The following ANKRD26 variants were observed in gnomAD, a reference collection of about 807,000 sequenced individuals.
ANKRD26 encodes ankyrin repeat domain-containing protein 26.
Under a neutral mutation model 208.7 loss-of-function variants are expected in ANKRD26, and 141 were observed. The ratio of observed to expected loss-of-function variants is 0.68; its 90% CI spans 0.59 to 0.78. The LOEUF (loss-of-function observed/expected upper bound fraction) is 0.78, where lower values mean the gene tolerates loss of function less well. ANKRD26 is among the 30% of genes least tolerant of loss of function. The pLI is 0.00. For missense variants in ANKRD26, 1,889 were observed against 1,938.7 expected (o/e 0.97, Z 0.48); for synonymous variants, 636 against 660.4 (o/e 0.96, Z 0.57).
At chr10:27,050,097 G>C (rs767824056) in intron 16 of ANKRD26, among the ~76,000 whole-genome samples, 14 of 151,516 alleles carry the variant, frequency 9.2e-5, no homozygotes, top group Non-Finnish European at 1.9e-4. Flanking sequence ...GTGGGCGCCT[G>C]TAATCCCAGC....
At chr10:27,077,188 G>A (rs2055729077) in intron 9 of ANKRD26, 150 bp downstream of exon 9, 1 of 677,910 alleles carries the variant, frequency 1.5e-6, no homozygotes, top group Admixed American at 2.6e-5. Flanking sequence ...ATGCAGGGAT[G>A]GTTCAACATA....
downstream of ANKRD26, among the ~76,000 whole-genome samples, chr10:26,991,396 C>A (rs1490218574): frequency 6.6e-6 from 1 of 151,912 alleles, no homozygotes; most frequent in Non-Finnish European, 1.5e-5. Context: ...ATTTTGAGGG[C>A]TTCAATATTT....
chr10:27,006,536 G>A (rs1387584927), intron 33 of ANKRD26, among the ~76,000 whole-genome samples: 1 of 152,184 alleles, frequency 6.6e-6, no homozygotes, highest in Non-Finnish European at 1.5e-5. Context: ...TGAGTCTGGG[G>A]TCTTTGGGCC....
chr10:27,085,311 G>T (rs1243745540), intron 5 of ANKRD26, among the ~76,000 whole-genome samples: 2 of 152,026 alleles, frequency 1.3e-5, no homozygotes, highest in South Asian at 2.1e-4. Context: ...ATGTTGGCCA[G>T]GCTGGTCTCG....
At chr10:27,021,208 A>T (rs966094032) in intron 29 of ANKRD26, among the ~76,000 whole-genome samples, 1 of 152,176 alleles carries the variant, frequency 6.6e-6, no homozygotes, top group Non-Finnish European at 1.5e-5. Context: ...ATTTAGGTTG[A>T]TTCCACATCT....
At chr10:26,989,824 T>A (rs766598861), downstream of ANKRD26, among the ~76,000 whole-genome samples, 2 of 151,846 alleles carry the variant, frequency 1.3e-5, no homozygotes, top group Non-Finnish European at 2.9e-5. Flanking sequence ...GATGGTAGCC[T>A]GGAGCATGCA....
the ANKRD26 span, among the ~76,000 whole-genome samples, chr10:26,958,498 G>A: frequency 1.1e-4 from 17 of 152,162 alleles, no homozygotes; most frequent in South Asian, 3.5e-3. Context: ...GTGTGCCCAT[G>A]TGTTCCCCCT....
chr10:27,033,097 G>C, intron 25 of ANKRD26, 128 bp downstream of exon 25: 1 of 520,618 alleles, frequency 1.9e-6, no homozygotes, highest in Non-Finnish European at 2.8e-6. Flanking sequence ...AAAAAAAAAA[G>C]ATAATAAAAT....
In ANKRD26 at chr10:27,005,095, A is replaced by T. The variant is rs2052824958; in HGVS notation, c.*495T>A. 1.0e-5 allele frequency: 10 copies of T among 984,238 alleles called. No homozygotes were observed. The highest frequency in any genetic ancestry group is 1.2e-5 in the Non-Finnish European group (10 of 828,844). 61.0% of individuals were successfully genotyped at this position (984,238 alleles called of 1,614,324 possible). On this transcript the variant is annotated 3_prime_UTR_variant, in exon 34 of 34. Transcript: ENST00000376087. Reference sequence around the variant, plus strand: ...AATAAATAAACAAACAGAAAAGGTGAATCAGGCAAATCTTGTTTCTCCCTG... The same window carrying T: ...AATAAATAAACAAACAGAAAAGGTGTATCAGGCAAATCTTGTTTCTCCCTG...
At chr10:27,029,207 G>T in intron 26 of ANKRD26, 79 bp downstream of exon 26, 1 of 1,451,824 alleles carries the variant, frequency 6.9e-7, no homozygotes, top group Non-Finnish European at 9.5e-7. Flanking sequence ...TATGATCATA[G>T]CTGATATAAT....
intron 3 of ANKRD26, 114 bp from the exon 4 acceptor site, chr10:27,092,626 A>G: frequency 1.2e-6 from 1 of 827,420 alleles, no homozygotes. Flanking sequence ...AAACAAATAA[A>G]AAACACTTGC....
intron 17 of ANKRD26, among the ~76,000 whole-genome samples, chr10:27,047,701 A>ACTACTACTACTACTACTAC: frequency 7.2e-6 from 1 of 138,900 alleles, no homozygotes; most frequent in East Asian, 2.2e-4. Flanking sequence ...AACTGTAATA[A>ACTACTACTACTACTACTAC]TACTACTACT....
chr10:26,978,612 A>G (rs2052261223), intron 5 of ANKRD26, among the ~76,000 whole-genome samples: 1 of 152,164 alleles, frequency 6.6e-6, no homozygotes, highest in South Asian at 2.1e-4. Flanking sequence ...TCCTACTTGC[A>G]GAATCTGAAA....
intron 32 of ANKRD26, among the ~76,000 whole-genome samples, chr10:27,011,065 T>A (rs1486420273): frequency 1.3e-5 from 2 of 152,180 alleles, no homozygotes; most frequent in Non-Finnish European, 2.9e-5. Context: ...TGTTAGGACA[T>A]GAGGCCTGGT....
chr10:27,075,989 AATG>A (rs1457905930), intron 9 of ANKRD26, among the ~76,000 whole-genome samples: 1 of 152,234 alleles, frequency 6.6e-6, no homozygotes, highest in Non-Finnish European at 1.5e-5. Context: ...CATTTAACTT[AATG>A]ATCTGCTCCT....
At chr10:26,953,020 G>A in the ANKRD26 span, among the ~76,000 whole-genome samples, 64 of 152,130 alleles carry the variant, frequency 4.2e-4, no homozygotes, top group African/African-American at 1.3e-3. Flanking sequence ...AGCTACCCTC[G>A]AAGACATTTT....
At chr10:27,048,763 A>G (rs752313274) in intron 17 of ANKRD26, 38 bp downstream of exon 17, 1 of 1,576,346 alleles carries the variant, frequency 6.3e-7, no homozygotes, top group East Asian at 2.2e-5. Context: ...TTATAGCACA[A>G]TAACAATTAT....
At chr10:27,042,326 C>A (rs114394686) in intron 20 of ANKRD26, among the ~76,000 whole-genome samples, 2 of 152,146 alleles carry the variant, frequency 1.3e-5, no homozygotes, top group South Asian at 4.1e-4. Context: ...AAATGTAAGA[C>A]GCAAAACTGG....
intron 32 of ANKRD26, among the ~76,000 whole-genome samples, chr10:27,008,268 A>G (rs961540550): frequency 2.0e-5 from 3 of 151,950 alleles, no homozygotes; most frequent in Non-Finnish European, 4.4e-5. Flanking sequence ...AAATTTTTTG[A>G]CTAACAGGTT....
Sources: gnomAD v4.1 joint callset for allele counts (sites outside exome capture counted in the v4.1 genomes callset) on GRCh38, gnomAD v4.1.1 for gene constraint, MANE v1.5 for transcripts, NCBI Gene and HGNC (gene_info 2026-07-23, HGNC 2026-07-21) for gene names.